OAS3: variants seen among roughly 807,000 people sequenced by gnomAD.
The protein encoded by OAS3 is 2'-5'-oligoadenylate synthase 3.
Under a neutral mutation model 113.0 loss-of-function variants are expected in OAS3, and 107 were observed. The ratio of observed to expected loss-of-function variants is 0.95; its 90% CI spans 0.81 to 1.11. The LOEUF is 1.11. Ranked by LOEUF, OAS3 falls within the 50% of genes most tolerant of loss-of-function variation. The pLI, the probability that OAS3 is intolerant of heterozygous loss-of-function variation, is 0.00. For synonymous variants in OAS3, 552 were observed against 573.6 expected (o/e 0.96, Z 0.54); for missense variants, 1,258 against 1,389.1 (o/e 0.91, Z 1.50).
At position 112,941,560 on chromosome 12, in the gene OAS3, C is replaced by G; in HGVS notation, c.178-10C>G. 1 of 1,606,060 alleles carries G rather than the reference C, an allele frequency of 6.2e-7. No homozygotes were observed. The highest frequency in any genetic ancestry group is 8.5e-7 in the Non-Finnish European group (1 of 1,174,766). Reference sequence around the variant, plus strand: ...CAGTATGAAATTCTGAGTTATTTTTCTTTGCCCAGGGAGGCTCCTCGGGCC... The same window carrying G: ...CAGTATGAAATTCTGAGTTATTTTTGTTTGCCCAGGGAGGCTCCTCGGGCC... On this transcript the variant is annotated splice_polypyrimidine_tract_variant and intron_variant, in intron 1 of 15. Coordinates refer to ENST00000228928, the MANE Select transcript of OAS3 (RefSeq NM_006187.4).
rs776347232 is a variant in OAS3 at position 112,968,012 on chromosome 12, A to G, written c.2942A>G (p.Glu981Gly). Residue 981 changes from glutamate (E) to glycine (G), a missense_variant, in exon 14 of 16, where the codon GAG becomes GGG. Physicochemically the swap from Glu to Gly is moderately conservative, Grantham distance 98. Transcript: ENST00000228928. Reference sequence around the variant, plus strand: ...GAACTCCTGACTGTGTATGCCTGGGAGCAGGGCGGGAAGGACTCCCAGTTC... The same window carrying G: ...GAACTCCTGACTGTGTATGCCTGGGGGCAGGGCGGGAAGGACTCCCAGTTC... Reference protein sequence around the residue: ...GLELLTVYAWEQGGKDSQFNM... With the variant: ...GLELLTVYAWGQGGKDSQFNM... 6.2e-7 allele frequency: 1 copy of G among 1,613,966 alleles called. No individual in the cohort carries two copies. The highest frequency in any genetic ancestry group is 1.3e-5 in the African/African-American group (1 of 75,030).
In OAS3 at chr12:112,972,698, C is replaced by T. The variant is rs908081096; in HGVS notation, c.*2725C>T. On this transcript the variant is annotated 3_prime_UTR_variant, in exon 16 of 16. Transcript: ENST00000228928. ...TGCAGTTAGGTGGCTCTTTCCAAGA[C>T]TCTGGGGAAAAAAGTAGTAAAAAGC... is the stretch of plus-strand genomic sequence containing the variant. The T allele has an allele frequency of 2.6e-5, 4 of 152,144 alleles. No homozygotes were observed. Among genetic ancestry groups the T allele is most frequent in the African/African-American group, 7.2e-5 (3 of 41,414 alleles). The allele number at this position is 152,144 out of a possible 1,614,324, so 9.4% of individuals were successfully genotyped here. A position where few individuals can be genotyped will look rare whatever the true frequency, so the allele number is the denominator to read the frequency against.
At chr12:112,950,191 C>A (rs1857592119) in intron 6 of OAS3, among the ~76,000 whole-genome samples, 1 of 152,068 alleles carries the variant, frequency 6.6e-6, no homozygotes, top group African/African-American at 2.4e-5. Context: ...ATCCTCTCTT[C>A]TTCTTTCTTT....
rs1270919856 is a variant in OAS3, at chr12:112,948,178, C to T, written c.1029+79C>T. On this transcript the variant is annotated intron_variant, in intron 5 of 15. Transcript: ENST00000228928. ...GTGTTTCCTGAGCATCTACTATGTG[C>T]CATATGGTGTGGAACAGGCTTTAAA... is the stretch of plus-strand genomic sequence containing the variant. 5.9e-6 allele frequency: 8 copies of T among 1,363,078 alleles called. No homozygotes were observed. The East Asian group carries it at 1.9e-4, about 32-fold the overall frequency. The allele number at this position is 1,363,078 out of a possible 1,614,324, so 84.4% of individuals were successfully genotyped here.
chr12:112,946,701 C>T, intron 3 of OAS3, 42 bp from the exon 4 acceptor site: 3 of 1,531,054 alleles, frequency 2.0e-6, no homozygotes, highest in Non-Finnish European at 2.7e-6. Context: ...TCTCTTTCCT[C>T]CCCTTCTTCC....
At chr12:112,952,193 T>G (rs1478773081) in intron 7 of OAS3, among the ~76,000 whole-genome samples, 2 of 152,352 alleles carry the variant, frequency 1.3e-5, no homozygotes, top group Admixed American at 1.3e-4. Flanking sequence ...TTTTTAATAT[T>G]TTGAGGCTAT....
At position 112,969,957 on chromosome 12, in the gene OAS3, C is replaced by T. The variant is rs371792022; in HGVS notation, c.3253-5C>T. 12 of 1,607,788 alleles carry T rather than the reference C, an allele frequency of 7.5e-6. No individual in the cohort carries two copies. In the African/African-American group the frequency reaches 1.6e-4, roughly 21 times the overall value. ...TTACCAACATCTCTTATAATACTTC[C>T]CCAGGCTGCTGTGTGAAGTTGAGAA... On this transcript the variant is annotated splice_region_variant and splice_polypyrimidine_tract_variant and intron_variant, in intron 15 of 15. Coordinates refer to ENST00000228928, the MANE Select transcript of OAS3 (RefSeq NM_006187.4).
At chr12:112,957,479 G>T (rs1295742673) in intron 7 of OAS3, among the ~76,000 whole-genome samples, 4 of 152,176 alleles carry the variant, frequency 2.6e-5, no homozygotes, top group South Asian at 2.1e-4. Flanking sequence ...GGTACCGATT[G>T]TTCCTTTCCA....
rs2043733469 is a variant in OAS3, at chr12:112,946,753, A to G, written c.647A>G (p.Gln216Arg). Residue 216 changes from glutamine to arginine, a missense_variant, in exon 4 of 16, where the codon CAG becomes CGG. Gln to Arg is a conservative substitution (Grantham distance 43, BLOSUM62 1). Transcript: ENST00000228928. ...VKHWYHQVCL[Q>R]GLWKETLPPV... ...GATGCCCTCTCACAGGTGTGCCTAC[A>G]GGGGTTGTGGAAGGAGACGCTGCCC... 2 of 1,609,754 alleles carry G rather than the reference A, an allele frequency of 1.2e-6. No homozygotes were observed. The highest frequency in any genetic ancestry group is 1.3e-5 in the African/African-American group (1 of 74,820).
At position 112,954,277 on chromosome 12, in the gene OAS3, TTTGTTTG is replaced by T. The variant is rs1315829563; in HGVS notation, c.1657+3308_1657+3314del. 2.0e-5 allele frequency among the ~76,000 whole-genome samples: 3 copies of T among 149,820 alleles called. No homozygotes were observed. Among genetic ancestry groups the T allele is most frequent in the Admixed American group, 6.6e-5 (1 of 15,064 alleles). On this transcript the variant is annotated intron_variant, in intron 7 of 15. Transcript: ENST00000228928. This position sits in a 1 kb window ranked among gnomAD's most constrained non-coding sequence, Gnocchi z 4.0. ...TCCCCATTTCTTGTTTGTCTGTTTG[TTTGTTTG>T]TTGTTGTTGTTGTTGTTGTTGTTTG...
At chr12:112,943,268 C>T (rs141801169) in intron 2 of OAS3, among the ~76,000 whole-genome samples, 161 of 152,234 alleles carry the variant, frequency 1.1e-3, no homozygotes, top group African/African-American at 3.6e-3. Context: ...ATAGTTACTA[C>T]TTATTAAATG....
intron 7 of OAS3, among the ~76,000 whole-genome samples, chr12:112,957,994 T>G (rs538349717): frequency 6.2e-4 from 94 of 152,380 alleles, no homozygotes; most frequent in Non-Finnish European, 1.1e-3. Flanking sequence ...AGATTTGATC[T>G]TTTCATATAG....
In OAS3 at chr12:112,970,189, G is replaced by T; in HGVS notation, c.*216G>T. 3.2e-6 allele frequency: 2 copies of T among 620,312 alleles called. No individual in the cohort carries two copies. The highest frequency in any genetic ancestry group is 2.8e-5 in the East Asian group (1 of 35,940). The allele number at this position is 620,312 out of a possible 1,614,324, so 38.4% of individuals were successfully genotyped here. On this transcript the variant is annotated 3_prime_UTR_variant, in exon 16 of 16. Coordinates refer to ENST00000228928, the MANE Select transcript of OAS3 (RefSeq NM_006187.4). ...CCTGCCTCCCATGGCTTACACACTAGGATCCAGACTCCATGGTTTGACACC... is the reference window on the plus strand; with the variant it reads ...CCTGCCTCCCATGGCTTACACACTATGATCCAGACTCCATGGTTTGACACC...
chr12:112,967,487 C>T lies in OAS3; in HGVS notation c.2759C>T (p.Ala920Val), dbSNP rs539747098. Residue 920 changes from alanine (A) to valine (V), a missense_variant, in exon 13 of 16, where the codon GCG becomes GTG. Transcript: ENST00000228928. ...GACCTCATCCACAGCTACAGCAATG[C>T]GGGCGAGTACTCCACCTGCTTCACA... is the stretch of plus-strand genomic sequence containing the variant. The part of the protein sequence containing the change: ...YVDLIHSYSN[A>V]GEYSTCFTEL... The T allele has an allele frequency of 8.8e-4, 1,419 of 1,613,576 alleles. 22 individuals carry two copies. The South Asian group carries it at 0.015, about 17-fold the overall frequency.
intron 2 of OAS3, chr12:112,942,229 A>C: frequency 2.2e-6 from 1 of 458,826 alleles, no homozygotes; most frequent in Non-Finnish European, 3.9e-6. Context: ...AAAATCTTGT[A>C]TTTTATGTTG....
At chr12:112,944,173 A>G (rs946509595) in intron 2 of OAS3, among the ~76,000 whole-genome samples, 2 of 152,162 alleles carry the variant, frequency 1.3e-5, no homozygotes, top group Admixed American at 1.3e-4. Flanking sequence ...AGCTGGAAGC[A>G]ACTTTCCTGT....
At chr12:112,955,553 C>A (rs1046075513) in intron 7 of OAS3, among the ~76,000 whole-genome samples, 3 of 152,092 alleles carry the variant, frequency 2.0e-5, no homozygotes, top group African/African-American at 7.2e-5. Context: ...TTCTCAAAGG[C>A]CTTTTTGGCA....
chr12:112,947,469 G>C (rs1159704837), intron 4 of OAS3, among the ~76,000 whole-genome samples: 1 of 152,216 alleles, frequency 6.6e-6, no homozygotes, highest in Non-Finnish European at 1.5e-5. Context: ...AAGTCTTTGA[G>C]ATTTAGCTAT....
chr12:112,969,935 C>T (rs776909778), intron 15 of OAS3, 27 bp from the exon 16 acceptor site: 38 of 1,605,806 alleles, frequency 2.4e-5, no homozygotes, highest in Admixed American at 2.2e-4. Context: ...AATGGGGTTA[C>T]CAACATCTCT....
Sources: allele counts gnomAD v4.1 joint callset (sites outside exome capture counted in the v4.1 genomes callset), GRCh38; gene constraint gnomAD v4.1.1; non-coding constraint Gnocchi (gnomAD v3.1); transcripts MANE v1.5; gene names NCBI Gene and HGNC (gene_info 2026-07-23, HGNC 2026-07-21).